Variants in PEAK1 observed in about 807,000 individuals in gnomAD.
PEAK1 encodes inactive tyrosine-protein kinase PEAK1.
A neutral mutation model predicts 124.7 loss-of-function variants in PEAK1; 54 were observed. That is an observed-to-expected ratio of 0.43 (90% CI 0.35 to 0.54). PEAK1 has a LOEUF of 0.54. Ranked by LOEUF, PEAK1 falls within the 20% of genes least tolerant of loss-of-function variation. The probability of loss-of-function intolerance (pLI) is 0.01; values close to 1 mark genes in which losing one functional copy is unlikely to be tolerated. For synonymous variants in PEAK1, 719 were observed against 760.0 expected, an observed-to-expected ratio of 0.95 and a Z score of 0.89; for missense variants, 2,046 against 2,134.5, an observed-to-expected ratio of 0.96 and a Z score of 0.82.
At chr15:77,313,898 G>A (rs2064698188) in intron 2 of PEAK1, among the ~76,000 whole-genome samples, 1 of 151,492 alleles carries the variant, frequency 6.6e-6, no homozygotes. Flanking sequence ...TCCTTTTAAA[G>A]AGTAGTATAT....
intron 1 of PEAK1, among the ~76,000 whole-genome samples, chr15:77,411,528 A>G (rs2072411150): frequency 6.6e-6 from 1 of 152,230 alleles, no homozygotes; most frequent in Non-Finnish European, 1.5e-5. Flanking sequence ...ACATGCTTAC[A>G]TCGGTGTTTA....
chr15:77,384,634 G>A (rs2069773336), intron 1 of PEAK1, among the ~76,000 whole-genome samples: 1 of 152,100 alleles, frequency 6.6e-6, no homozygotes, highest in Admixed American at 6.6e-5. Flanking sequence ...TCAAACCACT[G>A]CTTTCATTTT....
chr15:77,137,930 TG>T (rs1188788220), intron 8 of PEAK1, among the ~76,000 whole-genome samples: 1 of 152,128 alleles, frequency 6.6e-6, no homozygotes, highest in East Asian at 1.9e-4. Flanking sequence ...AACTGAATCA[TG>T]GGGGCAGGTC....
chr15:77,101,518 T>C (rs1013676575), exon 7 of PEAK1: 1 of 152,188 alleles, frequency 6.6e-6, no homozygotes, highest in Non-Finnish European at 1.5e-5. Flanking sequence ...CTAAATACAC[T>C]TGCTAGACTG....
At chr15:77,321,887 C>T (rs2065242722) in intron 2 of PEAK1, among the ~76,000 whole-genome samples, 1 of 152,040 alleles carries the variant, frequency 6.6e-6, no homozygotes, top group African/African-American at 2.4e-5. Context: ...CTAGCCAGTA[C>T]TCTTCAGCAA....
chr15:77,331,888 T>A (rs958413971), intron 2 of PEAK1, among the ~76,000 whole-genome samples: 2 of 151,746 alleles, frequency 1.3e-5, no homozygotes, highest in African/African-American at 4.8e-5. Context: ...AGTGCTGGGA[T>A]TACAGGCATA....
intron 2 of PEAK1, among the ~76,000 whole-genome samples, chr15:77,298,853 A>G (rs2063645939): frequency 6.6e-6 from 1 of 152,132 alleles, no homozygotes; most frequent in African/African-American, 2.4e-5. Context: ...TAGCGTTACC[A>G]GGGCCTAGCG....
At chr15:77,222,765 G>A (rs1431685795) in intron 6 of PEAK1, among the ~76,000 whole-genome samples, 6 of 151,924 alleles carry the variant, frequency 3.9e-5, no homozygotes, top group African/African-American at 1.4e-4. Context: ...ACTAATAAAA[G>A]GGCATGTCTT....
chr15:77,126,529 G>A (rs374766337), intron 9 of PEAK1, among the ~76,000 whole-genome samples: 1 of 152,058 alleles, frequency 6.6e-6, no homozygotes, highest in African/African-American at 2.4e-5. Flanking sequence ...AAGAATAATA[G>A]TGAGTGATCT....
At chr15:77,152,123 T>C (rs1416257655) in intron 8 of PEAK1, among the ~76,000 whole-genome samples, 1 of 152,212 alleles carries the variant, frequency 6.6e-6, no homozygotes, top group East Asian at 1.9e-4. Context: ...CCTATGAACA[T>C]GTAATGTTCT....
At chr15:77,375,444 C>T (rs2068934147) in intron 1 of PEAK1, among the ~76,000 whole-genome samples, 1 of 152,142 alleles carries the variant, frequency 6.6e-6, no homozygotes, top group Non-Finnish European at 1.5e-5. Flanking sequence ...GGTGTATAAG[C>T]TGTACTAGAT....
chr15:77,237,078 G>C (rs1418051980), intron 6 of PEAK1, among the ~76,000 whole-genome samples: 3 of 152,112 alleles, frequency 2.0e-5, no homozygotes, highest in African/African-American at 7.2e-5. Context: ...TTTTTTTAAA[G>C]TGGGCTTATA....
chr15:77,149,255 T>C (rs1336461858), intron 8 of PEAK1, among the ~76,000 whole-genome samples: 1 of 152,184 alleles, frequency 6.6e-6, no homozygotes, highest in Non-Finnish European at 1.5e-5. Flanking sequence ...AGAAACAAAT[T>C]CCACAGTAAA....
intron 1 of PEAK1, chr15:77,418,197 TA>T: frequency 3.0e-6 from 3 of 985,422 alleles, no homozygotes; most frequent in Non-Finnish European, 3.6e-6. Flanking sequence ...AAAGTGATCT[TA>T]TCTTTTTCTT....
chr15:77,190,543 T>C (rs2057781198), intron 6 of PEAK1, among the ~76,000 whole-genome samples: 1 of 152,226 alleles, frequency 6.6e-6, no homozygotes, highest in Admixed American at 6.5e-5. Context: ...GGCAGGATCA[T>C]TGCAATGGCC....
intron 2 of PEAK1, chr15:77,337,166 A>G: frequency 4.1e-6 from 4 of 985,220 alleles, no homozygotes; most frequent in Non-Finnish European, 4.8e-6. Context: ...ACCTGTGCCC[A>G]TGAAGTTTGA....
Position 77,179,985 on chromosome 15 carries a change from T to C in PEAK1, c.1942A>G (p.Ser648Gly). Residue 648 changes from serine to glycine, a missense_variant, in exon 7 of 10, where the codon AGT (serine) becomes GGT (glycine). Coordinates refer to ENST00000682557, the MANE Select transcript of PEAK1 (RefSeq NM_001385026.1). ...TTTTCCTTCACTGAGAGTTCTCCAC[T>C]TGTTCCCAGAAAACTTTTGTAGATA... ...LAIYKSFLGT[S>G]GELSVKEKTT... The C allele has an allele frequency of 6.8e-6, 11 of 1,614,132 alleles. No individual in the cohort carries two copies. Among genetic ancestry groups the C allele is most frequent in the Non-Finnish European group, 9.3e-6 (11 of 1,179,962 alleles).
intron 7 of PEAK1, among the ~76,000 whole-genome samples, chr15:77,171,466 T>TA (rs941487139): frequency 2.7e-5 from 4 of 147,802 alleles, no homozygotes; most frequent in African/African-American, 5.0e-5. Context: ...TGTGGAAGCT[T>TA]AAAAAAAAAA....
intron 5 of PEAK1, among the ~76,000 whole-genome samples, chr15:77,263,144 G>C (rs1489245254): frequency 6.6e-6 from 1 of 152,108 alleles, no homozygotes; most frequent in Non-Finnish European, 1.5e-5. Flanking sequence ...GCCCACAAGA[G>C]AAACCAAGAA....
Sources: gnomAD v4.1 joint callset for allele counts (sites outside exome capture counted in the v4.1 genomes callset) on GRCh38, gnomAD v4.1.1 for gene constraint, MANE v1.5 for transcripts, NCBI Gene and HGNC (gene_info 2026-07-23, HGNC 2026-07-21) for gene names.